Variants in STT3B observed in about 807,000 individuals in gnomAD.
STT3B encodes STT3 oligosaccharyltransferase complex catalytic subunit B, also known as dolichyl-diphosphooligosaccharide--protein glycosyltransferase subunit STT3B.
STT3B carries 29 observed loss-of-function variants against 96.8 expected under a neutral mutation model. The observed-to-expected ratio is 0.30, with a 90% CI of 0.22 to 0.41. The LOEUF is 0.41. Ranked by LOEUF, STT3B falls within the 10% of genes least tolerant of loss-of-function variation. STT3B has a pLI of 1.00. For synonymous variants in STT3B, 367 were observed against 360.0 expected (o/e 1.02, Z -0.22); for missense variants, 640 against 1,022.3 (o/e 0.63, Z 5.10).
chr3:31,628,863 C>T (rs1453381992), intron 13 of STT3B, among the ~76,000 whole-genome samples: 4 of 152,056 alleles, frequency 2.6e-5, no homozygotes, highest in Non-Finnish European at 5.9e-5. Context: ...GTCTGTAATC[C>T]TAGCATTTTG....
intron 10 of STT3B, among the ~76,000 whole-genome samples, chr3:31,622,577 T>A (rs1170590785): frequency 6.6e-6 from 1 of 152,190 alleles, no homozygotes; most frequent in Non-Finnish European, 1.5e-5. Flanking sequence ...CTTGTTAATA[T>A]ACCCTTCCAT....
chr3:31,581,411 TAATA>T (rs1019706970), intron 3 of STT3B, among the ~76,000 whole-genome samples: 2 of 152,206 alleles, frequency 1.3e-5, no homozygotes, highest in African/African-American at 4.8e-5. Context: ...AAATACTTTA[TAATA>T]AATTTAAAAA....
intron 14 of STT3B, 41 bp from the exon 15 acceptor site, chr3:31,632,894 T>G: frequency 6.4e-7 from 1 of 1,555,784 alleles, no homozygotes; most frequent in Non-Finnish European, 8.8e-7. Context: ...CTGAATGTTT[T>G]CCAATATGGT....
chr3:31,550,266 G>A (rs1697519288), intron 1 of STT3B, among the ~76,000 whole-genome samples: 1 of 152,186 alleles, frequency 6.6e-6, no homozygotes, highest in Admixed American at 6.5e-5. Context: ...ACATGCATCT[G>A]ACTTTAAATT....
intron 1 of STT3B, among the ~76,000 whole-genome samples, chr3:31,555,754 A>G (rs1255905223): frequency 6.6e-6 from 1 of 152,114 alleles, no homozygotes; most frequent in South Asian, 2.1e-4. Context: ...ATTAGTTAAC[A>G]TCACTTTATT....
intron 1 of STT3B, among the ~76,000 whole-genome samples, chr3:31,553,098 T>G (rs1697609028): frequency 7.8e-6 from 1 of 127,976 alleles, no homozygotes; most frequent in Non-Finnish European, 1.6e-5. Context: ...CGAAACTCCG[T>G]CTCAAAAAAA....
chr3:31,633,861 A>C (rs1402327811), intron 15 of STT3B, among the ~76,000 whole-genome samples: 1 of 152,166 alleles, frequency 6.6e-6, no homozygotes, highest in Non-Finnish European at 1.5e-5. Flanking sequence ...ATAAGGTACT[A>C]TCCTTATAAT....
At chr3:31,579,683 A>G in intron 2 of STT3B, 126 bp from the exon 3 acceptor site, 1 of 733,974 alleles carries the variant, frequency 1.4e-6, no homozygotes, top group Non-Finnish European at 2.1e-6. Context: ...AAGAAGGCAA[A>G]TTGTTTTGAG....
chr3:31,562,631 T>G (rs1271733456), intron 1 of STT3B, among the ~76,000 whole-genome samples: 1 of 152,114 alleles, frequency 6.6e-6, no homozygotes, highest in African/African-American at 2.4e-5. Context: ...TCAGAGTAGC[T>G]GTAGGCTGGC....
intron 6 of STT3B, 49 bp from the exon 7 acceptor site, chr3:31,616,880 G>A: frequency 6.6e-7 from 1 of 1,521,242 alleles, no homozygotes; most frequent in South Asian, 1.3e-5. Flanking sequence ...GTTTTTAAAT[G>A]ACCTTGGAAA....
Position 31,622,002 on chromosome 3 carries a change from A to G in STT3B, c.1328-95A>G, listed in dbSNP as rs543727898. 20 of 770,582 alleles carry G rather than the reference A, an allele frequency of 2.6e-5. No individual in the cohort carries two copies. In the African/African-American group the frequency reaches 3.8e-4, roughly 15 times the overall value. The allele number at this position is 770,582 out of a possible 1,614,324, so 47.7% of individuals were successfully genotyped here. On this transcript the variant is annotated intron_variant, in intron 9 of 15. Transcript: ENST00000295770. The stretch of plus-strand genomic sequence containing the variant: ...ATTAGATCGTTTGTGAGACATTTAT[A>G]TAATTCCAGGTTGGTTTTATAGTTT...
intron 1 of STT3B, among the ~76,000 whole-genome samples, chr3:31,559,882 G>A (rs776716695): frequency 1.4e-4 from 21 of 151,982 alleles, no homozygotes; most frequent in African/African-American, 1.7e-4. Flanking sequence ...TGTTGGGTGC[G>A]TATATGTTTA....
chr3:31,535,838 G>A (rs571776670), intron 1 of STT3B, among the ~76,000 whole-genome samples: 1 of 152,260 alleles, frequency 6.6e-6, no homozygotes, highest in East Asian at 1.9e-4. Context: ...GTTTTAAAGA[G>A]CTACTTAATT....
chr3:31,581,452 T>C (rs937632423), intron 3 of STT3B, among the ~76,000 whole-genome samples: 3 of 152,194 alleles, frequency 2.0e-5, no homozygotes, highest in Non-Finnish European at 2.9e-5. Context: ...TGTGGACATT[T>C]ATGCAACAGA....
chr3:31,567,522 T>C (rs765054520), intron 1 of STT3B, among the ~76,000 whole-genome samples: 23 of 152,192 alleles, frequency 1.5e-4, no homozygotes, highest in Non-Finnish European at 3.1e-4. Flanking sequence ...TAACAATATA[T>C]TGTTCTTCCA....
intron 14 of STT3B, among the ~76,000 whole-genome samples, chr3:31,630,990 G>A (rs113413075): frequency 6.6e-6 from 1 of 152,106 alleles, no homozygotes; most frequent in Non-Finnish European, 1.5e-5. Flanking sequence ...TGGAGATGGG[G>A]TTTCACTATA....
At chr3:31,595,435 T>C (rs182517103) in intron 3 of STT3B, among the ~76,000 whole-genome samples, 85 of 152,312 alleles carry the variant, frequency 5.6e-4, no homozygotes, top group Non-Finnish European at 1.5e-4. Context: ...TCGTTATTGA[T>C]CCCTCTCTCC....
At chr3:31,609,310 AC>A (rs1026713518) in intron 5 of STT3B, among the ~76,000 whole-genome samples, 3 of 152,162 alleles carry the variant, frequency 2.0e-5, no homozygotes, top group African/African-American at 7.2e-5. Context: ...AGGTATAGTC[AC>A]TACTTAGCTC....
chr3:31,561,674 ATTACTGTGTT>A (rs1646900607), intron 1 of STT3B, among the ~76,000 whole-genome samples: 1 of 152,066 alleles, frequency 6.6e-6, no homozygotes. Context: ...TTGCTGGATA[ATTACTGTGTT>A]CTTTTGGAGG....
Sources: gnomAD v4.1 joint callset for allele counts (sites outside exome capture counted in the v4.1 genomes callset) on GRCh38, gnomAD v4.1.1 for gene constraint, MANE v1.5 for transcripts, NCBI Gene and HGNC (gene_info 2026-07-23, HGNC 2026-07-21) for gene names.